SMOC1: variants seen among roughly 807,000 people sequenced by gnomAD.
The protein encoded by SMOC1 is SPARC related modular calcium binding 1.
Under a neutral mutation model 56.3 loss-of-function variants are expected in SMOC1, and 22 were observed. The observed-to-expected ratio is 0.39, with a 90% CI of 0.28 to 0.56. The LOEUF is 0.56. SMOC1 is among the 20% of genes least tolerant of loss of function. The pLI is 0.61. For synonymous variants in SMOC1, 193 were observed against 215.0 expected (o/e 0.90, Z 0.89); for missense variants, 509 against 565.4 (o/e 0.90, Z 1.01).
chr14:69,953,581 G>A (rs1883083882), intron 3 of SMOC1, 49 bp downstream of exon 3: 2 of 1,529,970 alleles, frequency 1.3e-6, no homozygotes, highest in South Asian at 2.2e-5. Context: ...CCGAGGCAGA[G>A]GGGAGGTGTC....
intron 7 of SMOC1, among the ~76,000 whole-genome samples, chr14:69,995,339 A>T (rs953474272): frequency 2.0e-5 from 3 of 152,224 alleles, no homozygotes; most frequent in African/African-American, 7.2e-5. Flanking sequence ...AATGGTGGCG[A>T]TGTGGCATTA....
chr14:69,998,119 C>T (rs1441444956), intron 7 of SMOC1, among the ~76,000 whole-genome samples: 2 of 152,208 alleles, frequency 1.3e-5, no homozygotes, highest in Non-Finnish European at 2.9e-5. Context: ...GTCTCCCTCT[C>T]TGCTCCTGGA....
At chr14:69,900,792 G>A (rs79963373) in intron 1 of SMOC1, among the ~76,000 whole-genome samples, 1,623 of 152,320 alleles carry the variant, frequency 0.011, 39 homozygotes, top group South Asian at 0.1. Context: ...CTAAAACAAG[G>A]TGAATTGCAC....
At chr14:69,902,648 G>C (rs908765417) in intron 1 of SMOC1, among the ~76,000 whole-genome samples, 1 of 150,554 alleles carries the variant, frequency 6.6e-6, no homozygotes, top group South Asian at 2.1e-4. Context: ...CTCTTTCCAC[G>C]GTCTCCCTCT....
At chr14:69,973,752 C>T (rs190629864) in intron 3 of SMOC1, among the ~76,000 whole-genome samples, 6 of 152,282 alleles carry the variant, frequency 3.9e-5, no homozygotes, top group African/African-American at 9.6e-5. Flanking sequence ...GGGAAAATGA[C>T]GGTGTTTGGT....
chr14:69,940,205 G>A (rs1177681778), intron 1 of SMOC1, among the ~76,000 whole-genome samples: 2 of 152,148 alleles, frequency 1.3e-5, no homozygotes, highest in African/African-American at 4.8e-5. Context: ...ACCAACCCCA[G>A]CCATCTTCCC....
chr14:69,969,451 G>A (rs1184277760), intron 3 of SMOC1, among the ~76,000 whole-genome samples: 1 of 150,924 alleles, frequency 6.6e-6, no homozygotes, highest in Non-Finnish European at 1.5e-5. Context: ...AGCAGGAGCA[G>A]GAGCAGGAAC....
intron 1 of SMOC1, among the ~76,000 whole-genome samples, chr14:69,892,279 G>C (rs552238995): frequency 2.8e-4 from 43 of 152,312 alleles, no homozygotes; most frequent in African/African-American, 7.5e-4. Flanking sequence ...AATGTTTGCT[G>C]TAAGTTTCTC....
intron 5 of SMOC1, among the ~76,000 whole-genome samples, chr14:69,985,207 CTATT>C (rs142148077): frequency 0.027 from 4,164 of 152,206 alleles, 97 homozygotes; most frequent in Middle Eastern, 0.11. Flanking sequence ...CACTACATAT[CTATT>C]AGGAGAGCTA....
At chr14:70,030,130 G>T in intron 11 of SMOC1, 112 bp from the exon 12 acceptor site, 2 of 1,524,062 alleles carry the variant, frequency 1.3e-6, no homozygotes, top group South Asian at 1.2e-5. Flanking sequence ...CTGCACTTGT[G>T]GGGAAATTGA....
At chr14:69,972,446 G>T (rs1594831563) in intron 3 of SMOC1, among the ~76,000 whole-genome samples, 1 of 152,144 alleles carries the variant, frequency 6.6e-6, no homozygotes, top group East Asian at 1.9e-4. Flanking sequence ...CCTGGGGTAG[G>T]TGTGCCATTA....
intron 4 of SMOC1, 84 bp downstream of exon 4, chr14:69,975,898 T>C: frequency 1.0e-6 from 1 of 953,558 alleles, no homozygotes; most frequent in South Asian, 1.3e-5. Context: ...GGAGAACCTT[T>C]AGAAGGTTGA....
intron 3 of SMOC1, among the ~76,000 whole-genome samples, chr14:69,972,655 C>A (rs1031846608): frequency 2.0e-5 from 3 of 152,128 alleles, no homozygotes. Flanking sequence ...AGCTGGGAGA[C>A]AGTGTTCATG....
At chr14:69,885,266 C>CT (rs201984545) in intron 1 of SMOC1, 115,643 of 698,792 alleles carry the variant, frequency 0.17, 521 homozygotes, top group Non-Finnish European at 0.18. Context: ...CGAACAACTT[C>CT]TTTTTTTTTT....
intron 1 of SMOC1, among the ~76,000 whole-genome samples, chr14:69,888,317 C>T (rs930218449): frequency 6.6e-6 from 1 of 152,214 alleles, no homozygotes; most frequent in Non-Finnish European, 1.5e-5. Context: ...TTGCATCCAA[C>T]ATCATTCGGA....
chr14:70,011,437 C>T (rs1276935433), intron 8 of SMOC1, 48 bp from the exon 9 acceptor site: 1 of 1,532,330 alleles, frequency 6.5e-7, no homozygotes, highest in Admixed American at 1.7e-5. Context: ...CTGAAGTAGG[C>T]TCAGTTGCCA....
chr14:69,944,782 G>C (rs555555068), intron 1 of SMOC1, among the ~76,000 whole-genome samples: 1 of 152,290 alleles, frequency 6.6e-6, no homozygotes, highest in South Asian at 2.1e-4. Context: ...TGGTGGAAAG[G>C]CTTCCTGGAG....
At chr14:69,999,779 C>G (rs1884901238) in intron 7 of SMOC1, among the ~76,000 whole-genome samples, 1 of 152,154 alleles carries the variant, frequency 6.6e-6, no homozygotes, top group Admixed American at 6.5e-5. Context: ...CCCATGAAGC[C>G]TAGCCGCACA....
chr14:70,020,168 T>C (rs1885658004), intron 10 of SMOC1, among the ~76,000 whole-genome samples: 2 of 150,458 alleles, frequency 1.3e-5, no homozygotes, highest in South Asian at 4.2e-4. Context: ...TTTTTTAACC[T>C]GAGTCCATGG....
Sources: gnomAD v4.1 joint callset for allele counts (sites outside exome capture counted in the v4.1 genomes callset) on GRCh38, gnomAD v4.1.1 for gene constraint, MANE v1.5 for transcripts, NCBI Gene and HGNC (gene_info 2026-07-23, HGNC 2026-07-21) for gene names.